Variants in TTC39B observed in about 807,000 individuals in gnomAD.
TTC39B encodes tetratricopeptide repeat domain 39B.
In TTC39B, 92 loss-of-function variants were observed where a neutral mutation model predicts 96.6. That is an observed-to-expected ratio of 0.95 (90% CI 0.80 to 1.13). TTC39B has a LOEUF of 1.13. TTC39B is among the 50% of genes most tolerant of loss of function. The probability of loss-of-function intolerance (pLI) is 0.00; values close to 1 mark genes in which losing one functional copy is unlikely to be tolerated. For missense variants in TTC39B, 955 were observed against 809.3 expected (o/e 1.18, Z -2.18); for synonymous variants, 367 against 299.4 (o/e 1.23, Z -2.33).
At chr9:15,297,539 C>A (rs1397551245) in intron 1 of TTC39B, among the ~76,000 whole-genome samples, 1 of 152,174 alleles carries the variant, frequency 6.6e-6, no homozygotes, top group Non-Finnish European at 1.5e-5. Flanking sequence ...CCTCTCTAGA[C>A]TCTACCCTGC....
exon 13 of TTC39B, chr9:15,189,589 T>C: frequency 6.2e-7 from 1 of 1,614,158 alleles, no homozygotes; most frequent in East Asian, 2.2e-5. Flanking sequence ...CAAGATTCCC[T>C]TTCAGCAACT....
intron 6 of TTC39B, among the ~76,000 whole-genome samples, chr9:15,207,449 C>T (rs144353059): frequency 0.01 from 1,587 of 152,172 alleles, 94 homozygotes; most frequent in Admixed American, 0.084. Context: ...TTCCTTCATC[C>T]GTATATGACA....
chr9:15,234,836 C>T (rs1254290326), intron 2 of TTC39B, among the ~76,000 whole-genome samples: 2 of 151,934 alleles, frequency 1.3e-5, no homozygotes, highest in Non-Finnish European at 2.9e-5. Context: ...AGGCAGCATG[C>T]TCCTTAAGAG....
intron 8 of TTC39B, among the ~76,000 whole-genome samples, chr9:15,193,125 C>T (rs751943516): frequency 2.6e-5 from 4 of 152,318 alleles, no homozygotes; most frequent in Middle Eastern, 3.4e-3. Context: ...TGACTGCCAT[C>T]GTCTCAAACA....
intron 1 of TTC39B, among the ~76,000 whole-genome samples, chr9:15,290,137 C>T (rs1824130862): frequency 6.6e-6 from 1 of 151,904 alleles, no homozygotes. Context: ...TACAAGTGTA[C>T]TAAAGTGAGA....
chr9:15,174,170 A>G (rs113260421), intron 19 of TTC39B, among the ~76,000 whole-genome samples: 1,642 of 152,328 alleles, frequency 0.011, 20 homozygotes, highest in Non-Finnish European at 0.017. Context: ...TATACCACTG[A>G]TATTTTTCTT....
chr9:15,214,030 C>A, intron 4 of TTC39B, 109 bp downstream of exon 4: 2 of 759,516 alleles, frequency 2.6e-6, no homozygotes, highest in Non-Finnish European at 2.1e-6. Context: ...ACTAAATTAG[C>A]TTATCAATAT....
chr9:15,251,731 ATATATGTAG>A (rs1164171589), intron 2 of TTC39B, among the ~76,000 whole-genome samples: 1 of 126,950 alleles, frequency 7.9e-6, no homozygotes, highest in African/African-American at 3.2e-5. Context: ...ATATATATAT[ATATATGTAG>A]TATATATGGA....
chr9:15,254,158 C>T (rs893758497), intron 2 of TTC39B, among the ~76,000 whole-genome samples: 1 of 151,402 alleles, frequency 6.6e-6, no homozygotes, highest in African/African-American at 2.4e-5. Context: ...ATTCATAAAA[C>T]CAGCATTAAA....
chr9:15,290,317 A>G (rs1824137397), intron 1 of TTC39B, among the ~76,000 whole-genome samples: 1 of 152,172 alleles, frequency 6.6e-6, no homozygotes, highest in African/African-American at 2.4e-5. Context: ...GAGAAAATTT[A>G]AGCTTGGGAA....
chr9:15,225,643 T>C, intron 3 of TTC39B, among the ~76,000 whole-genome samples: 1 of 152,176 alleles, frequency 6.6e-6, no homozygotes, highest in East Asian at 1.9e-4. Context: ...TAGCTAAAAA[T>C]ATTTAAAGAT....
Position 15,189,759 on chromosome 9 carries a change from C to T in TTC39B, c.1139G>A (p.Arg380His), listed in dbSNP as rs61755267. The T allele has an allele frequency of 1.1e-4, 184 of 1,613,568 alleles. No individual in the cohort carries two copies. In the South Asian group the frequency reaches 1.2e-3, roughly 10 times the overall value. Reference sequence around the variant, plus strand: ...CTGCTGGAGGAAGGGTGCCAGGAGACGCTCTGCTTCCGCAACATTCACTTC... The same window carrying T: ...CTGCTGGAGGAAGGGTGCCAGGAGATGCTCTGCTTCCGCAACATTCACTTC... Residue 380 changes from arginine (R) to histidine (H), a missense_variant, in exon 12 of 20, where the codon CGT (arginine) becomes CAT (histidine). Arg to His is a conservative substitution (Grantham distance 29). Transcript: ENST00000512701.
chr9:15,230,526 GATTC>G (rs1448034865), intron 2 of TTC39B, among the ~76,000 whole-genome samples: 2 of 152,272 alleles, frequency 1.3e-5, no homozygotes, highest in African/African-American at 4.8e-5. Flanking sequence ...ATGTTTTCAA[GATTC>G]ATTCATGTGG....
chr9:15,208,098 C>T (rs938465242), intron 6 of TTC39B, among the ~76,000 whole-genome samples: 13 of 151,254 alleles, frequency 8.6e-5, no homozygotes, highest in Non-Finnish European at 1.5e-4. Flanking sequence ...GGCGCGATCT[C>T]GGCTCACTGC....
intron 14 of TTC39B, 113 bp from the exon 15 acceptor site, chr9:15,187,148 G>T (rs1380020000): frequency 1.5e-6 from 1 of 677,870 alleles, no homozygotes. Flanking sequence ...AGGCATTAAA[G>T]AAATCAGAGG....
intron 18 of TTC39B, 29 bp downstream of exon 18, chr9:15,177,668 C>T: frequency 6.7e-7 from 1 of 1,500,950 alleles, no homozygotes; most frequent in Admixed American, 1.9e-5. Flanking sequence ...ACAATTTGCA[C>T]TTGGGCTGGT....
intron 2 of TTC39B, among the ~76,000 whole-genome samples, chr9:15,241,701 G>A (rs1046982232): frequency 1.3e-5 from 2 of 151,202 alleles, no homozygotes; most frequent in African/African-American, 4.9e-5. Context: ...CATCTAGAAT[G>A]AGGAAAATAG....
chr9:15,184,897 T>A (rs1268651912), intron 16 of TTC39B, among the ~76,000 whole-genome samples: 1 of 152,236 alleles, frequency 6.6e-6, no homozygotes, highest in Non-Finnish European at 1.5e-5. Flanking sequence ...CTTACTTTTT[T>A]AATGTGGCTA....
At chr9:15,298,351 G>T (rs1301670055) in intron 1 of TTC39B, among the ~76,000 whole-genome samples, 1 of 152,088 alleles carries the variant, frequency 6.6e-6, no homozygotes, top group Non-Finnish European at 1.5e-5. Flanking sequence ...CTCCATAATT[G>T]TATTAGTCCA....
Sources: allele counts gnomAD v4.1 joint callset (sites outside exome capture counted in the v4.1 genomes callset), GRCh38; gene constraint gnomAD v4.1.1; transcripts MANE v1.5; gene names NCBI Gene and HGNC (gene_info 2026-07-23, HGNC 2026-07-21).